Variants in RBBP4 observed in about 807,000 individuals in gnomAD.
RBBP4 encodes RB binding protein 4, chromatin remodeling factor, also known as histone-binding protein RBBP4.
In RBBP4, 3 loss-of-function variants were observed where a neutral mutation model predicts 57.2. The ratio of observed to expected loss-of-function variants is 0.05; its 90% CI spans 0.02 to 0.14. RBBP4 has a LOEUF of 0.14. Ranked by LOEUF, RBBP4 falls within the 10% of genes least tolerant of loss-of-function variation. The probability of loss-of-function intolerance (pLI) is 1.00; values close to 1 mark genes in which losing one functional copy is unlikely to be tolerated. For synonymous variants in RBBP4, 151 were observed against 171.5 expected, an observed-to-expected ratio of 0.88 and a Z score of 0.93; for missense variants, 107 against 520.6, an observed-to-expected ratio of 0.21 and a Z score of 7.73.
chr1:32,677,435 C>G (rs1476544121), intron 11 of RBBP4, among the ~76,000 whole-genome samples: 1 of 150,768 alleles, frequency 6.6e-6, no homozygotes, highest in Non-Finnish European at 1.5e-5. Context: ...CCGTATGCAT[C>G]TCTTCCATGT....
rs980322908 is a variant in RBBP4 at position 32,651,271 on chromosome 1, C to G, written c.-36C>G. On this transcript the variant is annotated 5_prime_UTR_variant, in exon 1 of 12. Transcript: ENST00000373493. ...CAGCCTCCCCGCCCCTCCCGCAACG[C>G]TCGACCCCAGGATTCCCCCGGCTCG... 2 of 1,505,906 alleles carry G rather than the reference C, an allele frequency of 1.3e-6. No individual in the cohort carries two copies. The highest frequency in any genetic ancestry group is 5.6e-5 in the East Asian group (2 of 35,982). 93.3% of individuals were successfully genotyped at this position (1,505,906 alleles called of 1,614,324 possible). A position where few individuals can be genotyped will look rare whatever the true frequency, so the allele number is the denominator to read the frequency against.
chr1:32,679,173 T>TA (rs1649266239), intron 11 of RBBP4, among the ~76,000 whole-genome samples: 1 of 152,152 alleles, frequency 6.6e-6, no homozygotes, highest in Admixed American at 6.6e-5. Flanking sequence ...GGCATGTGCC[T>TA]GTAATCCTAG....
chr1:32,658,052 C>T (rs540943692), intron 3 of RBBP4, among the ~76,000 whole-genome samples: 2 of 152,128 alleles, frequency 1.3e-5, no homozygotes, highest in Admixed American at 1.3e-4. Context: ...AGGGTTTCAC[C>T]AAGTTGGCCA....
At position 32,661,301 on chromosome 1, in the gene RBBP4, C is replaced by CTTTTTTTTTTTTTTTTTTTTTTT. The variant is rs370489912; in HGVS notation, c.310+3729_310+3730insTTTTTTTTTTTTTTTTTTTTTTT. Among the ~76,000 whole-genome samples the CTTTTTTTTTTTTTTTTTTTTTTT allele has an allele frequency of 1.5e-5, 2 of 132,106 alleles. 1 individual carries two copies. Among genetic ancestry groups the CTTTTTTTTTTTTTTTTTTTTTTT allele is most frequent in the Non-Finnish European group, 3.1e-5 (2 of 64,962 alleles). 86.7% of individuals were successfully genotyped at this position (132,106 alleles called of 152,430 possible). ...TTGAATGGTAGTTCTATTTTTAGTT[C>CTTTTTTTTTTTTTTTTTTTTTTT]CTTTTTTTTTTTTTTTGAGATGGAG... On this transcript the variant is annotated intron_variant, in intron 3 of 11. Coordinates refer to ENST00000373493, the MANE Select transcript of RBBP4 (RefSeq NM_005610.3).
In RBBP4 at chr1:32,669,215, T is replaced by G; in HGVS notation, c.762-16T>G. ...CCATTTCAAGGTTTTTTTCCTTTGTTTTTTTTTCACTGAAGTTGGGATACT... is the reference window on the plus strand; with the variant it reads ...CCATTTCAAGGTTTTTTTCCTTTGTGTTTTTTTCACTGAAGTTGGGATACT... On this transcript the variant is annotated splice_polypyrimidine_tract_variant and intron_variant, in intron 6 of 11. Transcript: ENST00000373493. The surrounding 1 kb of genome is among the most constrained non-coding windows in gnomAD (Gnocchi z 4.9). 6.2e-7 allele frequency: 1 copy of G among 1,607,780 alleles called. No individual in the cohort carries two copies. The highest frequency in any genetic ancestry group is 8.5e-7 in the Non-Finnish European group (1 of 1,178,392).
Position 32,673,044 on chromosome 1 carries a change from A to G in RBBP4, c.1212+143A>G, listed in dbSNP as rs923512076. ...TTTTAAGACTTGTCTATACATTATC[A>G]TTTTCAGCTGCCTGCTCTTGACTGT... is the stretch of plus-strand genomic sequence containing the variant. On this transcript the variant is annotated intron_variant, in intron 11 of 11. Transcript: ENST00000373493. The G allele has an allele frequency of 2.0e-5, 14 of 702,470 alleles. No individual in the cohort carries two copies. In the Admixed American group the frequency reaches 3.1e-4, roughly 16 times the overall value. 43.5% of individuals were successfully genotyped at this position (702,470 alleles called of 1,614,324 possible). A position where few individuals can be genotyped will look rare whatever the true frequency, so the allele number is the denominator to read the frequency against.
At chr1:32,660,431 T>TA (rs57350145) in intron 3 of RBBP4, among the ~76,000 whole-genome samples, 2 of 149,622 alleles carry the variant, frequency 1.3e-5, no homozygotes, top group East Asian at 2.0e-4. Context: ...TATTTATTTT[T>TA]TTTGAGTCGG....
At chr1:32,651,374 G>A (rs1408222660) in intron 1 of RBBP4, 52 bp downstream of exon 1, 3 of 1,404,484 alleles carry the variant, frequency 2.1e-6, no homozygotes, top group African/African-American at 3.1e-5. Context: ...GGGCTGAGCC[G>A]CGGCCTCGAC....
At position 32,672,717 on chromosome 1, in the gene RBBP4, G is replaced by C; in HGVS notation, c.1101+18G>C. 6.2e-7 allele frequency: 1 copy of C among 1,612,130 alleles called. No homozygotes were observed. Among genetic ancestry groups the C allele is most frequent in the Non-Finnish European group, 8.5e-7 (1 of 1,178,208 alleles). On this transcript the variant is annotated intron_variant, in intron 10 of 11. Coordinates refer to ENST00000373493, the MANE Select transcript of RBBP4 (RefSeq NM_005610.3). The stretch of plus-strand genomic sequence containing the variant: ...AGTTGTTGGTATGTTAAAAGCATTG[G>C]ACAGTACTGAAATAGTCTGTAATTT...
At chr1:32,677,816 G>A (rs1649170541) in intron 11 of RBBP4, among the ~76,000 whole-genome samples, 1 of 152,202 alleles carries the variant, frequency 6.6e-6, no homozygotes, top group Non-Finnish European at 1.5e-5. Context: ...TCTGGGGTCA[G>A]ATCACAAGCT....
chr1:32,662,043 A>G (rs1417304397), intron 3 of RBBP4, among the ~76,000 whole-genome samples: 2 of 149,228 alleles, frequency 1.3e-5, no homozygotes, highest in African/African-American at 4.9e-5. Context: ...GTGCCACCAC[A>G]CCCAGCTAAT....
At chr1:32,651,674 A>G in intron 1 of RBBP4, 1 of 749,192 alleles carries the variant, frequency 1.3e-6, no homozygotes, top group Non-Finnish European at 2.1e-6. Context: ...GGCGCGCACG[A>G]GCGTGCTCCG....
chr1:32,668,709 G>A (rs1648754006), intron 4 of RBBP4, 30 bp from the exon 5 acceptor site: 3 of 1,561,760 alleles, frequency 1.9e-6, no homozygotes, highest in Admixed American at 1.7e-5. Flanking sequence ...CAGTGGACTG[G>A]GTAGTCTTGA....
At position 32,679,814 on chromosome 1, in the gene RBBP4, A is replaced by G. The variant is rs1177409424; in HGVS notation, c.*109A>G. ...CTTTATTCAGCTATCCCTCTATATAATAGGTACCACCGATAATGCTATTAG... is the reference window on the plus strand; with the variant it reads ...CTTTATTCAGCTATCCCTCTATATAGTAGGTACCACCGATAATGCTATTAG... On this transcript the variant is annotated 3_prime_UTR_variant, in exon 12 of 12. Coordinates refer to ENST00000373493, the MANE Select transcript of RBBP4 (RefSeq NM_005610.3). 1.4e-5 allele frequency: 21 copies of G among 1,505,846 alleles called. No individual in the cohort carries two copies. In the Admixed American group the frequency reaches 2.2e-4, roughly 16 times the overall value. 93.3% of individuals were successfully genotyped at this position (1,505,846 alleles called of 1,614,324 possible).
chr1:32,672,360 C>T (rs1463286826), intron 8 of RBBP4, 90 bp from the exon 9 acceptor site: 7 of 1,059,138 alleles, frequency 6.6e-6, no homozygotes, highest in African/African-American at 1.6e-5. Flanking sequence ...CTTTTATTTA[C>T]AAAATTTTTA....
chr1:32,679,076 C>A (rs1368144871), intron 11 of RBBP4, among the ~76,000 whole-genome samples: 1 of 152,138 alleles, frequency 6.6e-6, no homozygotes, highest in Non-Finnish European at 1.5e-5. Flanking sequence ...GTGGGCAGAT[C>A]ACCTGAGATC....
chr1:32,654,713 G>T (rs12035446), intron 2 of RBBP4, among the ~76,000 whole-genome samples: 16,838 of 152,190 alleles, frequency 0.11, 1,722 homozygotes, highest in African/African-American at 0.26. Context: ...TGAGACGGAG[G>T]ACGGAGTTTC....
chr1:32,673,505 T>G, intron 11 of RBBP4: 1 of 421,756 alleles, frequency 2.4e-6, no homozygotes, highest in Non-Finnish European at 4.6e-6. Context: ...TGGTGCAATC[T>G]CGGCTCACTG....
intron 3 of RBBP4, among the ~76,000 whole-genome samples, chr1:32,666,649 G>A (rs1429251970): frequency 6.6e-6 from 1 of 152,146 alleles, no homozygotes; most frequent in East Asian, 1.9e-4. Flanking sequence ...GAGCCACTGC[G>A]CCTGGCTGAA....
Sources: allele counts gnomAD v4.1 joint callset (sites outside exome capture counted in the v4.1 genomes callset), GRCh38; gene constraint gnomAD v4.1.1; non-coding constraint Gnocchi (gnomAD v3.1); transcripts MANE v1.5; gene names NCBI Gene and HGNC (gene_info 2026-07-23, HGNC 2026-07-21).